The following SYN3 variants were observed in gnomAD, a reference collection of about 807,000 sequenced individuals.
SYN3 encodes synapsin-3.
Under a neutral mutation model 65.8 loss-of-function variants are expected in SYN3, and 35 were observed. The observed-to-expected ratio is 0.53, with a 90% CI of 0.41 to 0.70. The LOEUF (loss-of-function observed/expected upper bound fraction) is 0.70. Among genes scored for constraint, SYN3 ranks in the 30% least tolerant of loss-of-function variants. The pLI, the probability that SYN3 is intolerant of heterozygous loss-of-function variation, is 0.00. For missense variants in SYN3, 680 were observed against 749.0 expected (o/e 0.91, Z 1.08); for synonymous variants, 270 against 292.9 (o/e 0.92, Z 0.80).
chr22:32,768,471 G>A (rs1014969292), intron 6 of SYN3, among the ~76,000 whole-genome samples: 6 of 151,862 alleles, frequency 4.0e-5, no homozygotes, highest in Admixed American at 3.3e-4. Flanking sequence ...AGGTTCAATC[G>A]CCACCTCTTT....
intron 7 of SYN3, chr22:32,583,782 AT>A (rs1483000234): frequency 6.6e-6 from 1 of 152,208 alleles, no homozygotes; most frequent in East Asian, 1.9e-4. Flanking sequence ...GATACTGACC[AT>A]CTGCATCCTC....
intron 6 of SYN3, among the ~76,000 whole-genome samples, chr22:32,770,802 G>A (rs767465256): frequency 2.0e-5 from 3 of 150,646 alleles, no homozygotes; most frequent in Admixed American, 1.3e-4. Context: ...AAGGATGCTG[G>A]GAGGATTAAA....
chr22:32,713,577 T>C (rs2060994288), intron 6 of SYN3, among the ~76,000 whole-genome samples: 1 of 152,162 alleles, frequency 6.6e-6, no homozygotes, highest in Admixed American at 6.5e-5. Flanking sequence ...ACGCCTGTAA[T>C]CCCAGCACTT....
intron 6 of SYN3, among the ~76,000 whole-genome samples, chr22:32,775,637 T>C (rs1173636827): frequency 6.6e-6 from 1 of 152,184 alleles, no homozygotes; most frequent in East Asian, 1.9e-4. Flanking sequence ...CCTCAAGGTA[T>C]CATGGTAGTA....
intron 6 of SYN3, among the ~76,000 whole-genome samples, chr22:32,697,545 A>G (rs2147184720): frequency 6.6e-6 from 1 of 152,334 alleles, no homozygotes; most frequent in Non-Finnish European, 1.5e-5. Context: ...AGCAATCCAT[A>G]TAAGATGGTT....
intron 3 of SYN3, among the ~76,000 whole-genome samples, chr22:32,941,057 G>A (rs1305002805): frequency 6.6e-6 from 1 of 152,018 alleles, no homozygotes; most frequent in Admixed American, 6.6e-5. Flanking sequence ...ACCCACCATT[G>A]CAGCCAGACC....
chr22:32,814,179 A>G, intron 6 of SYN3, among the ~76,000 whole-genome samples: 1 of 59,432 alleles, frequency 1.7e-5, no homozygotes, highest in Non-Finnish European at 3.2e-5. Flanking sequence ...AGAGAAAGAA[A>G]GAAAAGAAAG....
intron 3 of SYN3, 60 bp downstream of exon 3, chr22:32,980,585 G>T: frequency 6.6e-7 from 1 of 1,510,850 alleles, no homozygotes; most frequent in Non-Finnish European, 9.2e-7. Context: ...TTGCATGTAA[G>T]AACAGCCCCA....
Position 32,916,788 on chromosome 22 carries a change from G to A in SYN3, c.461+14602C>T, listed in dbSNP as rs538101855. Among the ~76,000 whole-genome samples, 6 of 152,270 alleles carry A rather than the reference G, an allele frequency of 3.9e-5. No individual in the cohort carries two copies. In the South Asian group the frequency reaches 6.2e-4, roughly 16 times the overall value. ...AGGTTTCCTAAATTATTCACATCAC[G>A]AAAGGTTTGAATGTCAATAAACTAG... On this transcript the variant is annotated intron_variant, in intron 4 of 13. Transcript: ENST00000358763.
chr22:32,586,961 C>T (rs1487367014), intron 7 of SYN3, among the ~76,000 whole-genome samples: 6 of 152,088 alleles, frequency 3.9e-5, no homozygotes, highest in African/African-American at 1.2e-4. Context: ...CGGTGGCTCA[C>T]GCCTGTAATC....
intron 6 of SYN3, among the ~76,000 whole-genome samples, chr22:32,753,508 C>A (rs1049872670): frequency 7.2e-5 from 11 of 152,340 alleles, no homozygotes; most frequent in African/African-American, 2.4e-4. Flanking sequence ...GGGGCCTACA[C>A]CCAGCCACCG....
chr22:32,554,618 T>C (rs933053286), intron 7 of SYN3, among the ~76,000 whole-genome samples: 15 of 152,176 alleles, frequency 9.9e-5, no homozygotes, highest in Non-Finnish European at 1.5e-4. Context: ...CTCGTACCCC[T>C]GCTTTCTTTA....
intron 3 of SYN3, among the ~76,000 whole-genome samples, chr22:32,975,676 A>T (rs892668612): frequency 1.3e-5 from 2 of 152,206 alleles, no homozygotes; most frequent in Non-Finnish European, 2.9e-5. Flanking sequence ...CAATTTGATC[A>T]CATCAAATTT....
chr22:32,525,750 A>G (rs566572926), intron 12 of SYN3, among the ~76,000 whole-genome samples: 1 of 152,208 alleles, frequency 6.6e-6, no homozygotes, highest in East Asian at 1.9e-4. Context: ...ATGAAAAGAC[A>G]ACAAAAGGAT....
chr22:32,816,998 G>T (rs1190185529), intron 6 of SYN3, among the ~76,000 whole-genome samples: 3 of 151,666 alleles, frequency 2.0e-5, no homozygotes, highest in Non-Finnish European at 2.9e-5. Context: ...CGAGAGGATC[G>T]CTTGAGCCCA....
chr22:32,605,754 G>C (rs1227474089), intron 6 of SYN3, among the ~76,000 whole-genome samples: 1 of 152,200 alleles, frequency 6.6e-6, no homozygotes, highest in Non-Finnish European at 1.5e-5. Context: ...GGAGCACGTG[G>C]GTGGAGGCCA....
At chr22:32,983,432 GTCTGCTTCCAAAGTCTC>G (rs537241545) in intron 2 of SYN3, among the ~76,000 whole-genome samples, 101 of 152,164 alleles carry the variant, frequency 6.6e-4, no homozygotes, top group African/African-American at 2.3e-3. Context: ...GCTTCAGCCT[GTCTGCTTCCAAAGTCTC>G]TCTACCTACT....
At chr22:33,055,729 A>G (rs925049586) in intron 1 of SYN3, among the ~76,000 whole-genome samples, 7 of 152,248 alleles carry the variant, frequency 4.6e-5, no homozygotes, top group East Asian at 1.9e-4. Flanking sequence ...CAAGGAGTCA[A>G]TTGGACAAAG....
intron 4 of SYN3, among the ~76,000 whole-genome samples, chr22:32,896,413 G>A (rs911855518): frequency 7.9e-5 from 12 of 152,230 alleles, no homozygotes; most frequent in African/African-American, 1.9e-4. Context: ...TTGAGGTTGC[G>A]CCACTGCACT....
Sources: gnomAD v4.1 joint callset for allele counts (sites outside exome capture counted in the v4.1 genomes callset) on GRCh38, gnomAD v4.1.1 for gene constraint, MANE v1.5 for transcripts, NCBI Gene and HGNC (gene_info 2026-07-23, HGNC 2026-07-21) for gene names.